Variants in HHIPL1 observed in about 807,000 individuals in gnomAD.
HHIPL1 encodes HHIP-like protein 1.
In HHIPL1, 43 loss-of-function variants were observed where a neutral mutation model predicts 61.8. That is an observed-to-expected ratio of 0.70 (90% CI 0.55 to 0.90). The LOEUF (loss-of-function observed/expected upper bound fraction) is 0.90. Among genes scored for constraint, HHIPL1 ranks in the 40% least tolerant of loss-of-function variants. HHIPL1 has a pLI of 0.00. For missense variants in HHIPL1, 1,056 were observed against 1,157.7 expected, an observed-to-expected ratio of 0.91 and a Z score of 1.28; for synonymous variants, 482 against 515.8, an observed-to-expected ratio of 0.93 and a Z score of 0.89.
chr14:99,631,069 TTTCTTTC>T, the HHIPL1 span, among the ~76,000 whole-genome samples: 2 of 143,006 alleles, frequency 1.4e-5, no homozygotes, highest in African/African-American at 5.4e-5. Flanking sequence ...TCTTTCTTTC[TTTCTTTC>T]TTTCTTTCTT....
rs1362350296 is a variant in HHIPL1 at position 99,676,526 on chromosome 14, T to C, written c.*900T>C. 1 of 152,384 alleles carries C rather than the reference T, an allele frequency of 6.6e-6. No homozygotes were observed. Among genetic ancestry groups the C allele is most frequent in the Non-Finnish European group, 1.5e-5 (1 of 68,160 alleles). The allele number at this position is 152,384 out of a possible 1,614,324, so 9.4% of individuals were successfully genotyped here. ...TGTTTGGGCCCTGGGGCCACCTCTGTCCTTTCCATCCCCATCCCTGCTCAG... is the reference window on the plus strand; with the variant it reads ...TGTTTGGGCCCTGGGGCCACCTCTGCCCTTTCCATCCCCATCCCTGCTCAG... On this transcript the variant is annotated 3_prime_UTR_variant, in exon 9 of 9. Coordinates refer to ENST00000330710, the MANE Select transcript of HHIPL1 (RefSeq NM_001127258.3).
chr14:99,632,749 G>A, the HHIPL1 span, among the ~76,000 whole-genome samples: 1 of 152,130 alleles, frequency 6.6e-6, no homozygotes, highest in Admixed American at 6.5e-5. Context: ...CTCCCTTTGT[G>A]TCTGCATCGT....
the HHIPL1 span, among the ~76,000 whole-genome samples, chr14:99,608,896 A>G: frequency 3.4e-4 from 52 of 152,332 alleles, 1 homozygote; most frequent in African/African-American, 1.2e-3. Flanking sequence ...ACCCAGGACC[A>G]TCTGAGCTCC....
the HHIPL1 span, among the ~76,000 whole-genome samples, chr14:99,639,925 G>A: frequency 6.6e-6 from 1 of 152,202 alleles, no homozygotes; most frequent in Non-Finnish European, 1.5e-5. Context: ...CTCCCAAAGT[G>A]CTAGGATTAC....
At chr14:99,615,029 G>C in the HHIPL1 span, among the ~76,000 whole-genome samples, 1 of 152,090 alleles carries the variant, frequency 6.6e-6, no homozygotes, top group Non-Finnish European at 1.5e-5. Flanking sequence ...TCAAACCATG[G>C]TGCGTAGAGT....
chr14:99,614,280 C>T, the HHIPL1 span, among the ~76,000 whole-genome samples: 2 of 152,136 alleles, frequency 1.3e-5, no homozygotes, highest in Non-Finnish European at 1.5e-5. Context: ...TCTTCCTGAG[C>T]GTCTGAAAAC....
the HHIPL1 span, among the ~76,000 whole-genome samples, chr14:99,619,541 G>A: frequency 2.0e-5 from 3 of 151,946 alleles, no homozygotes; most frequent in South Asian, 4.2e-4. Context: ...TCACACCTGC[G>A]TGATGATAAG....
chr14:99,640,556 A>G (rs932931999), upstream of HHIPL1, among the ~76,000 whole-genome samples: 1 of 152,224 alleles, frequency 6.6e-6, no homozygotes, highest in Admixed American at 6.5e-5. Flanking sequence ...AAGTGCTGGA[A>G]TATCAGGGGT....
chr14:99,660,325 C>T lies in HHIPL1; in HGVS notation c.1421C>T (p.Ser474Leu). 1 of 1,614,110 alleles carries T rather than the reference C, an allele frequency of 6.2e-7. No homozygotes were observed. Among genetic ancestry groups the T allele is most frequent in the Non-Finnish European group, 8.5e-7 (1 of 1,180,006 alleles). Residue 474 changes from serine (S) to leucine (L), a missense_variant, in exon 5 of 9, where the codon TCG becomes TTG. Transcript: ENST00000330710. This position sits in a 1 kb window ranked among gnomAD's most constrained non-coding sequence, Gnocchi z 4.9. Reference protein sequence around the residue: ...IFAYPHTVGKSVTGGYVYRGC... With the variant: ...IFAYPHTVGKLVTGGYVYRGC... Reference sequence around the variant, plus strand: ...GCCTACCCGCACACGGTTGGCAAGTCGGTCACAGGGGGCTACGTGTACCGG... The same window carrying T: ...GCCTACCCGCACACGGTTGGCAAGTTGGTCACAGGGGGCTACGTGTACCGG...
chr14:99,620,388 C>T, the HHIPL1 span, among the ~76,000 whole-genome samples: 7 of 152,236 alleles, frequency 4.6e-5, no homozygotes, highest in Non-Finnish European at 8.8e-5. Flanking sequence ...GTCCAGGAGC[C>T]CCTGCCCTGA....
chr14:99,654,861 G>T (rs1445381305), intron 2 of HHIPL1, among the ~76,000 whole-genome samples: 1 of 152,200 alleles, frequency 6.6e-6, no homozygotes, highest in Non-Finnish European at 1.5e-5. Flanking sequence ...CTGACAGAGG[G>T]GAGATGGAGG....
intron 3 of HHIPL1, among the ~76,000 whole-genome samples, chr14:99,657,623 T>C (rs2056070158): frequency 6.6e-6 from 1 of 152,106 alleles, no homozygotes. Flanking sequence ...TAACGTGTAG[T>C]CTTGCTCTTT....
chr14:99,609,287 A>T, the HHIPL1 span, among the ~76,000 whole-genome samples: 3 of 152,166 alleles, frequency 2.0e-5, no homozygotes, highest in African/African-American at 7.2e-5. Context: ...GCCCTCCCTG[A>T]CAGAGCTAGT....
At chr14:99,669,627 T>C (rs956625280) in intron 7 of HHIPL1, among the ~76,000 whole-genome samples, 5 of 152,234 alleles carry the variant, frequency 3.3e-5, no homozygotes, top group Non-Finnish European at 7.3e-5. Flanking sequence ...ACACTTATTG[T>C]GCTTAAAATC....
Position 99,668,735 on chromosome 14 carries a change from G to A in HHIPL1, c.1730+432G>A, listed in dbSNP as rs913818571. 1.1e-5 allele frequency: 13 copies of A among 1,149,918 alleles called. No homozygotes were observed. The highest frequency in any genetic ancestry group is 2.3e-4 in the Middle Eastern group (1 of 4,288). 71.2% of individuals were successfully genotyped at this position (1,149,918 alleles called of 1,614,324 possible). On this transcript the variant is annotated intron_variant, in intron 7 of 8. Transcript: ENST00000330710. This position sits in a 1 kb window ranked among gnomAD's most constrained non-coding sequence, Gnocchi z 4.7. ...GACACCCTGATCCCTGTGTGTCCCC[G>A]CCCCGTGCCTGCCCTTCCTCCTGTG... is the stretch of plus-strand genomic sequence containing the variant.
the HHIPL1 span, among the ~76,000 whole-genome samples, chr14:99,612,258 C>T: frequency 6.6e-6 from 1 of 152,140 alleles, no homozygotes; most frequent in South Asian, 2.1e-4. Context: ...AGAAACTGCC[C>T]TTATGATTCA....
Position 99,653,472 on chromosome 14 carries a change from A to G in HHIPL1, c.902+602A>G, listed in dbSNP as rs1203747110. On this transcript the variant is annotated intron_variant, in intron 2 of 8. Coordinates refer to ENST00000330710, the MANE Select transcript of HHIPL1 (RefSeq NM_001127258.3). Reference sequence around the variant, plus strand: ...CTCAGCCTCCTGAGTAACTGGGACTACAGGCACACACCACCACACCTGGCT... The same window carrying G: ...CTCAGCCTCCTGAGTAACTGGGACTGCAGGCACACACCACCACACCTGGCT... 3.3e-5 allele frequency among the ~76,000 whole-genome samples: 5 copies of G among 152,192 alleles called. No homozygotes were observed. The South Asian group carries it at 1.0e-3, about 32-fold the overall frequency.
chr14:99,641,123 G>T (rs2055745829), upstream of HHIPL1, among the ~76,000 whole-genome samples: 1 of 151,900 alleles, frequency 6.6e-6, no homozygotes, highest in Non-Finnish European at 1.5e-5. Flanking sequence ...CTGACCTCAG[G>T]TGATCCACCC....
chr14:99,637,189 G>A, the HHIPL1 span, among the ~76,000 whole-genome samples: 3 of 78,452 alleles, frequency 3.8e-5, no homozygotes, highest in African/African-American at 4.8e-5. Flanking sequence ...AGAAAGAATG[G>A]AAGAAAGAAA....
Sources: allele counts gnomAD v4.1 joint callset (sites outside exome capture counted in the v4.1 genomes callset), GRCh38; gene constraint gnomAD v4.1.1; non-coding constraint Gnocchi (gnomAD v3.1); transcripts MANE v1.5; gene names NCBI Gene and HGNC (gene_info 2026-07-23, HGNC 2026-07-21).